RUNX1: variants seen among roughly 807,000 people sequenced by gnomAD.
RUNX1 encodes runt-related transcription factor 1.
In RUNX1, 19 loss-of-function variants were observed where a neutral mutation model predicts 42.8. The ratio of observed to expected loss-of-function variants is 0.44; its 90% CI spans 0.31 to 0.65. RUNX1 has a LOEUF of 0.65. Ranked by LOEUF, RUNX1 falls within the 30% of genes least tolerant of loss-of-function variation. The probability of loss-of-function intolerance (pLI) is 0.07; values close to 1 mark genes in which losing one functional copy is unlikely to be tolerated. For synonymous variants in RUNX1, 271 were observed against 289.4 expected (o/e 0.94, Z 0.64); for missense variants, 528 against 672.0 (o/e 0.79, Z 2.37).
chr21:34,876,213 C>G (rs966341703), intron 5 of RUNX1, among the ~76,000 whole-genome samples: 1 of 152,152 alleles, frequency 6.6e-6, no homozygotes, highest in African/African-American at 2.4e-5. Flanking sequence ...CCCCTTTACC[C>G]GTGATGATAT....
chr21:35,044,359 C>T (rs760783491), intron 2 of RUNX1, among the ~76,000 whole-genome samples: 6 of 152,210 alleles, frequency 3.9e-5, no homozygotes, highest in East Asian at 3.8e-4. Flanking sequence ...GAGCAGACAG[C>T]GGTTGACTGG....
intron 2 of RUNX1, among the ~76,000 whole-genome samples, chr21:34,918,037 ATAAT>A (rs1411131827): frequency 6.7e-6 from 1 of 149,802 alleles, no homozygotes; most frequent in Non-Finnish European, 1.5e-5. Flanking sequence ...GCTAAGGCAG[ATAAT>A]TGATTGAATC....
chr21:34,866,898 C>A (rs2057670877), intron 5 of RUNX1, among the ~76,000 whole-genome samples: 2 of 152,134 alleles, frequency 1.3e-5, no homozygotes, highest in South Asian at 4.1e-4. Flanking sequence ...AAAATCAGGT[C>A]CTTAGAATAT....
intron 2 of RUNX1, among the ~76,000 whole-genome samples, chr21:34,947,138 A>C (rs1195287227): frequency 2.0e-5 from 3 of 152,188 alleles, no homozygotes; most frequent in Admixed American, 2.0e-4. Flanking sequence ...GTGTCATCTT[A>C]CCAAATGGAT....
chr21:34,854,034 C>CA (rs2057461988), intron 6 of RUNX1, among the ~76,000 whole-genome samples: 2 of 152,080 alleles, frequency 1.3e-5, no homozygotes, highest in Admixed American at 1.3e-4. Context: ...GGCTGGTCTC[C>CA]AACTCCTGAC....
intron 3 of RUNX1, chr21:34,889,744 G>T: frequency 8.6e-7 from 1 of 1,165,056 alleles, no homozygotes; most frequent in Non-Finnish European, 1.1e-6. Flanking sequence ...GCATTTTCGC[G>T]GAGCTCGGAG....
chr21:34,892,868 T>C (rs1569090397), intron 3 of RUNX1, 57 bp downstream of exon 3: 1 of 994,192 alleles, frequency 1.0e-6, no homozygotes, highest in Non-Finnish European at 1.6e-6. Context: ...TAAAATCATA[T>C]ACACATCTAT....
chr21:34,882,544 A>G lies in RUNX1; in HGVS notation c.352-1831T>C, dbSNP rs146167530. Among the ~76,000 whole-genome samples, 604 of 152,266 alleles carry G rather than the reference A, an allele frequency of 4.0e-3. 6 individuals carry two copies. The highest frequency in any genetic ancestry group is 0.014 in the African/African-American group (575 of 41,534). On this transcript the variant is annotated intron_variant, in intron 4 of 8. Coordinates refer to ENST00000675419, the MANE Select transcript of RUNX1 (RefSeq NM_001754.5). ...TTAAAACTCTGCTATTTATTCCCCA[A>G]GCACCCTCTAATTAGCTATTTAGTT... is the stretch of plus-strand genomic sequence containing the variant.
intron 2 of RUNX1, among the ~76,000 whole-genome samples, chr21:34,976,099 A>G (rs1313188048): frequency 2.0e-5 from 3 of 150,378 alleles, no homozygotes; most frequent in African/African-American, 7.4e-5. Context: ...TTGGAGGGAG[A>G]TTGAAAAAAA....
At chr21:34,800,305 A>G (rs778371558) in intron 7 of RUNX1, among the ~76,000 whole-genome samples, 1 of 152,368 alleles carries the variant, frequency 6.6e-6, no homozygotes, top group Non-Finnish European at 1.5e-5. Context: ...TTTGCAGATG[A>G]AAAGGGGAGG....
At chr21:35,012,384 A>G (rs1662703287) in intron 2 of RUNX1, among the ~76,000 whole-genome samples, 1 of 152,228 alleles carries the variant, frequency 6.6e-6, no homozygotes, top group Non-Finnish European at 1.5e-5. Context: ...TGTTAAAGTC[A>G]CTTTTACAAA....
At chr21:34,841,958 C>T (rs1316037060) in intron 6 of RUNX1, among the ~76,000 whole-genome samples, 2 of 152,148 alleles carry the variant, frequency 1.3e-5, no homozygotes, top group African/African-American at 4.8e-5. Flanking sequence ...AGCCATGTCT[C>T]CAGCACCTAT....
chr21:35,038,601 C>CTGTGTG (rs1210791673), intron 2 of RUNX1: 4 of 337,378 alleles, frequency 1.2e-5, no homozygotes, highest in Non-Finnish European at 2.5e-5. Flanking sequence ...CTCTCTCTCT[C>CTGTGTG]TCTCTCTCTC....
intron 2 of RUNX1, among the ~76,000 whole-genome samples, chr21:34,986,605 A>T (rs1336885489): frequency 6.7e-6 from 1 of 149,988 alleles, no homozygotes; most frequent in East Asian, 1.9e-4. Context: ...CAGCATCCTT[A>T]TAAGAAGAGG....
intron 7 of RUNX1, among the ~76,000 whole-genome samples, chr21:34,828,635 G>A (rs1382222338): frequency 6.6e-6 from 1 of 152,206 alleles, no homozygotes; most frequent in African/African-American, 2.4e-5. Context: ...TTGCCATCAT[G>A]GCAATGTTGA....
intron 7 of RUNX1, among the ~76,000 whole-genome samples, chr21:34,804,623 A>T (rs1480545405): frequency 2.0e-5 from 3 of 152,226 alleles, no homozygotes; most frequent in African/African-American, 7.2e-5. Context: ...CCCAGATGTG[A>T]CACAGATTTT....
At chr21:34,826,389 G>T (rs182389266) in intron 7 of RUNX1, among the ~76,000 whole-genome samples, 28 of 150,618 alleles carry the variant, frequency 1.9e-4, no homozygotes, top group Admixed American at 1.8e-3. Flanking sequence ...GGACTTCCCT[G>T]CCTCCAGAAC....
chr21:34,834,945 T>C (rs1280711637), intron 6 of RUNX1, among the ~76,000 whole-genome samples: 1 of 152,062 alleles, frequency 6.6e-6, no homozygotes, highest in Admixed American at 6.5e-5. Context: ...GGCGCATTAA[T>C]TGTTGGCACA....
chr21:34,888,212 C>G, intron 3 of RUNX1: 2 of 1,066,960 alleles, frequency 1.9e-6, no homozygotes, highest in Non-Finnish European at 2.3e-6. Context: ...GTTAGCTGCT[C>G]CGAGGCACGA....
Sources: allele counts gnomAD v4.1 joint callset (sites outside exome capture counted in the v4.1 genomes callset), GRCh38; gene constraint gnomAD v4.1.1; transcripts MANE v1.5; gene names NCBI Gene and HGNC (gene_info 2026-07-23, HGNC 2026-07-21).